Variants in ANO4 observed in about 807,000 individuals in gnomAD.
The protein encoded by ANO4 is anoctamin-4.
ANO4 carries 69 observed loss-of-function variants against 141.9 expected under a neutral mutation model. The ratio of observed to expected loss-of-function variants is 0.49; its 90% CI spans 0.40 to 0.59. ANO4 has a LOEUF of 0.59. Among genes scored for constraint, ANO4 ranks in the 20% least tolerant of loss-of-function variants. The probability of loss-of-function intolerance (pLI) is 0.00; values close to 1 mark genes in which losing one functional copy is unlikely to be tolerated. For synonymous variants in ANO4, 350 were observed against 394.3 expected (o/e 0.89, Z 1.33); for missense variants, 894 against 1,162.2 (o/e 0.77, Z 3.36).
upstream of ANO4, among the ~76,000 whole-genome samples, chr12:100,791,176 C>T (rs537688618): frequency 3.3e-5 from 5 of 151,970 alleles, no homozygotes; most frequent in Non-Finnish European, 5.9e-5. Context: ...CTCAGGAGTT[C>T]GAGACTAGCC....
chr12:101,089,462 C>G (rs942977473), intron 17 of ANO4, among the ~76,000 whole-genome samples: 2 of 151,948 alleles, frequency 1.3e-5, no homozygotes, highest in African/African-American at 4.8e-5. Flanking sequence ...GTACCTCCCC[C>G]TTTTGACCCC....
chr12:100,850,312 G>T (rs1006514730), intron 1 of ANO4, among the ~76,000 whole-genome samples: 2 of 152,126 alleles, frequency 1.3e-5, no homozygotes, highest in African/African-American at 2.4e-5. Context: ...AGGAGGACAT[G>T]GTTCTTCCTT....
chr12:100,835,203 G>A (rs890641938), intron 1 of ANO4, among the ~76,000 whole-genome samples: 3 of 152,168 alleles, frequency 2.0e-5, no homozygotes, highest in Non-Finnish European at 4.4e-5. Flanking sequence ...TTGTCTGTGA[G>A]CTCTTTGAGG....
rs1592908987 is a variant in ANO4 at position 100,979,402 on chromosome 12, A to G, written c.602+4513A>G. 2.0e-5 allele frequency among the ~76,000 whole-genome samples: 3 copies of G among 152,058 alleles called. No individual in the cohort carries two copies. The South Asian group carries it at 6.2e-4, about 32-fold the overall frequency. On this transcript the variant is annotated intron_variant, in intron 7 of 27. Coordinates refer to ENST00000392977, the MANE Select transcript of ANO4 (RefSeq NM_001286615.2). The stretch of plus-strand genomic sequence containing the variant: ...GGGCTCGATAATTTGCACTTCCATC[A>G]AGATCCCAAGTGATACCTGTGCTGA...
chr12:101,066,867 T>C, intron 14 of ANO4: 1 of 1,190,494 alleles, frequency 8.4e-7, no homozygotes, highest in Non-Finnish European at 1.3e-6. Flanking sequence ...AGAGATAAGG[T>C]CAAATTTACA....
intron 18 of ANO4, among the ~76,000 whole-genome samples, chr12:101,095,297 G>A (rs1387749447): frequency 6.8e-6 from 1 of 147,264 alleles, no homozygotes; most frequent in Non-Finnish European, 1.5e-5. Context: ...AAAGATAGAA[G>A]AGGTTTATGT....
chr12:100,893,135 G>A (rs1392896023), intron 1 of ANO4, among the ~76,000 whole-genome samples: 2 of 151,468 alleles, frequency 1.3e-5, no homozygotes, highest in African/African-American at 4.9e-5. Context: ...TAGAGTTAGG[G>A]GTTGGGAATA....
At chr12:100,806,519 GTTTCGTTTTTTTT>G (rs2035035437) in intron 1 of ANO4, among the ~76,000 whole-genome samples, 2 of 34,788 alleles carry the variant, frequency 5.7e-5, no homozygotes, top group African/African-American at 1.7e-4. Context: ...TTTTTTTTTT[GTTTCGTTTTTTTT>G]TTTTTTTTTT....
At position 100,997,830 on chromosome 12, in the gene ANO4, A is replaced by G. The variant is rs117493659; in HGVS notation, c.734+10160A>G. 9.9e-4 allele frequency among the ~76,000 whole-genome samples: 151 copies of G among 152,240 alleles called. 2 individuals are homozygous for G. In the East Asian group the frequency reaches 0.024, roughly 25 times the overall value. On this transcript the variant is annotated intron_variant, in intron 8 of 27. Coordinates refer to ENST00000392977, the MANE Select transcript of ANO4 (RefSeq NM_001286615.2). ...CATTGGAGTGGACAGTGAAATAGTGATATGGTGGACAGTATCCCTGGTAAC... is the reference window on the plus strand; with the variant it reads ...CATTGGAGTGGACAGTGAAATAGTGGTATGGTGGACAGTATCCCTGGTAAC...
intron 1 of ANO4, among the ~76,000 whole-genome samples, chr12:100,876,989 G>A (rs1229582530): frequency 1.3e-5 from 2 of 152,100 alleles, no homozygotes; most frequent in Non-Finnish European, 2.9e-5. Flanking sequence ...TGAACCTGGA[G>A]GATATTATGC....
intron 8 of ANO4, among the ~76,000 whole-genome samples, chr12:101,018,317 G>A (rs2046391467): frequency 6.6e-6 from 1 of 152,182 alleles, no homozygotes; most frequent in Admixed American, 6.5e-5. Context: ...GATAAATGCT[G>A]CAGCATCCTC....
intron 14 of ANO4, among the ~76,000 whole-genome samples, chr12:101,065,754 C>A (rs1192761879): frequency 6.6e-6 from 1 of 152,126 alleles, no homozygotes; most frequent in Non-Finnish European, 1.5e-5. Flanking sequence ...TTTCCAAACT[C>A]ATTCTATGAG....
chr12:100,832,055 G>A, intron 1 of ANO4, among the ~76,000 whole-genome samples: 1 of 152,012 alleles, frequency 6.6e-6, no homozygotes, highest in South Asian at 2.1e-4. Context: ...CAGAGCCAGG[G>A]TTTGAACTGA....
chr12:100,947,954 C>CG (rs1555259001), intron 5 of ANO4, among the ~76,000 whole-genome samples: 1 of 151,848 alleles, frequency 6.6e-6, no homozygotes, highest in Non-Finnish European at 1.5e-5. Context: ...GAGGCCAAGG[C>CG]GGGCGGATCA....
At position 101,046,939 on chromosome 12, in the gene ANO4, T is replaced by C. The variant is rs117307889; in HGVS notation, c.1252-1402T>C. Among the ~76,000 whole-genome samples the C allele has an allele frequency of 1.4e-3, 219 of 152,306 alleles. 1 individual carries two copies. The East Asian group carries it at 0.023, about 16-fold the overall frequency. ...CACTGATGGTGCAAGCTACACTTTC[T>C]AGCAACTCTCAGTAAATACTCTGAT... On this transcript the variant is annotated intron_variant, in intron 13 of 27. Transcript: ENST00000392977.
At chr12:100,825,016 T>C (rs2036255681) in intron 1 of ANO4, among the ~76,000 whole-genome samples, 2 of 152,074 alleles carry the variant, frequency 1.3e-5, no homozygotes, top group African/African-American at 4.8e-5. Flanking sequence ...TTGGAACTTT[T>C]TGTTATAAAA....
intron 1 of ANO4, among the ~76,000 whole-genome samples, chr12:100,877,359 A>T (rs1002366155): frequency 2.7e-5 from 4 of 149,972 alleles, no homozygotes; most frequent in Admixed American, 6.6e-5. Flanking sequence ...ATATGATATT[A>T]TATATATATA....
At chr12:100,856,025 A>C (rs2038146593) in intron 1 of ANO4, among the ~76,000 whole-genome samples, 1 of 152,154 alleles carries the variant, frequency 6.6e-6, no homozygotes, top group South Asian at 2.1e-4. Context: ...TCCCTGTACA[A>C]AGGGAGGCTG....
chr12:100,902,800 C>A (rs192878702), intron 2 of ANO4, among the ~76,000 whole-genome samples: 14 of 152,348 alleles, frequency 9.2e-5, no homozygotes, highest in Non-Finnish European at 1.8e-4. Flanking sequence ...TCCCCACTTT[C>A]CTCCAGTTTT....
Sources: gnomAD v4.1 joint callset for allele counts (sites outside exome capture counted in the v4.1 genomes callset) on GRCh38, gnomAD v4.1.1 for gene constraint, MANE v1.5 for transcripts, NCBI Gene and HGNC (gene_info 2026-07-23, HGNC 2026-07-21) for gene names.